Variants in TMCO2 observed in about 807,000 individuals in gnomAD.
TMCO2 encodes transmembrane and coiled-coil domains 2, also known as transmembrane and coiled-coil domain-containing protein 2.
A neutral mutation model predicts 18.0 loss-of-function variants in TMCO2; 15 were observed. That is an observed-to-expected ratio of 0.84 (90% CI 0.56 to 1.29). The LOEUF (loss-of-function observed/expected upper bound fraction) is 1.29, where lower values mean the gene tolerates loss of function less well. Ranked by LOEUF, TMCO2 falls within the 50% of genes most tolerant of loss-of-function variation. The pLI is 0.00. For missense variants in TMCO2, 182 were observed against 200.9 expected (o/e 0.91, Z 0.57); for synonymous variants, 79 against 75.9 (o/e 1.04, Z -0.21).
In TMCO2 at chr1:40,251,676, C is replaced by G; in HGVS notation, c.*82C>G. Reference sequence around the variant, plus strand: ...GGTGTATCAATAAAGATAGAGAACGCTATTGAAATTACCGTGCAAAGACTA... The same window carrying G: ...GGTGTATCAATAAAGATAGAGAACGGTATTGAAATTACCGTGCAAAGACTA... On this transcript the variant is annotated 3_prime_UTR_variant, in exon 2 of 2. Coordinates refer to ENST00000372766, the MANE Select transcript of TMCO2 (RefSeq NM_001008740.4). 1.4e-6 allele frequency: 2 copies of G among 1,443,034 alleles called. No individual in the cohort carries two copies. Among genetic ancestry groups the G allele is most frequent in the Non-Finnish European group, 1.9e-6 (2 of 1,054,952 alleles). The allele number at this position is 1,443,034 out of a possible 1,614,324, so 89.4% of individuals were successfully genotyped here.
rs1643380509 is a variant in TMCO2, at chr1:40,251,147, A to G, written c.238-136A>G. ...GTGAAACTCCATCTCAAAAAAAAAA[A>G]AAAAAAAAATTTGCTAAATGGGAGA... On this transcript the variant is annotated intron_variant, in intron 1 of 1. Transcript: ENST00000372766. 4 of 800,136 alleles carry G rather than the reference A, an allele frequency of 5.0e-6. No individual in the cohort carries two copies. In the South Asian group the frequency reaches 7.1e-5, roughly 14 times the overall value. The allele number at this position is 800,136 out of a possible 1,614,324, so 49.6% of individuals were successfully genotyped here. A position where few individuals can be genotyped will look rare whatever the true frequency, so the allele number is the denominator to read the frequency against.
Position 40,251,392 on chromosome 1 carries a change from A to G in TMCO2, c.347A>G (p.Asn116Ser), listed in dbSNP as rs1387966859. ...PEGSGLRIQD[N>S]NNLFLSLGLQ... ...GGAAGTGGTCTCCGAATTCAAGACA[A>G]TAATAATCTTTTCCTGTCCTTGGGT... The change falls in exon 2 of 2, where the codon AAT (asparagine) becomes AGT (serine). Residue 116 changes from asparagine (N) to serine (S), a missense_variant. Coordinates refer to ENST00000372766, the MANE Select transcript of TMCO2 (RefSeq NM_001008740.4). 6.2e-7 allele frequency: 1 copy of G among 1,614,138 alleles called. No individual in the cohort carries two copies. Among genetic ancestry groups the G allele is most frequent in the Non-Finnish European group, 8.5e-7 (1 of 1,180,018 alleles).
In TMCO2 at chr1:40,250,861, G is replaced by T. The variant is rs187216528; in HGVS notation, c.238-422G>T. Among the ~76,000 whole-genome samples the T allele has an allele frequency of 1.3e-4, 20 of 152,306 alleles. No individual in the cohort carries two copies. In the East Asian group the frequency reaches 2.9e-3, roughly 22 times the overall value. ...GTGTGAAAATATTTTGCTAAGGCCGGGCATGGTGGCTTACGCCTGTAATCC... is the reference window on the plus strand; with the variant it reads ...GTGTGAAAATATTTTGCTAAGGCCGTGCATGGTGGCTTACGCCTGTAATCC... On this transcript the variant is annotated intron_variant, in intron 1 of 1. Coordinates refer to ENST00000372766, the MANE Select transcript of TMCO2 (RefSeq NM_001008740.4).
intron 1 of TMCO2, among the ~76,000 whole-genome samples, chr1:40,250,641 A>G (rs1643374277): frequency 6.6e-6 from 1 of 152,210 alleles, no homozygotes; most frequent in Non-Finnish European, 1.5e-5. Flanking sequence ...TTGGACAATG[A>G]CAGAGTTCAA....
rs764803423 is a variant in TMCO2, at chr1:40,248,093, A to AGT, written c.102_103dup (p.Ala35ValfsTer11). ...ACAAGCAAGTTTTTTGGGAGAGACTAGTGCACCTCAGCAAACAAGTTTGGG... is the reference window on the plus strand; with the variant it reads ...ACAAGCAAGTTTTTTGGGAGAGACTAGTGTGCACCTCAGCAAACAAGTTTGGG... On this transcript the variant is annotated frameshift_variant, in exon 1 of 2. Transcript: ENST00000372766. LOFTEE classifies it high-confidence loss of function. The AGT allele has an allele frequency of 1.9e-6, 3 of 1,614,128 alleles. No individual in the cohort carries two copies. In the South Asian group the frequency reaches 3.3e-5, roughly 18 times the overall value.
intron 1 of TMCO2, among the ~76,000 whole-genome samples, chr1:40,250,318 A>AAT (rs144052392): frequency 0.073 from 10,594 of 145,746 alleles, 441 homozygotes; most frequent in East Asian, 0.16. Flanking sequence ...ATATAAATAA[A>AAT]ATATATATAT....
intron 1 of TMCO2, among the ~76,000 whole-genome samples, chr1:40,248,673 A>G (rs763408397): frequency 3.3e-5 from 5 of 152,234 alleles, no homozygotes; most frequent in Non-Finnish European, 7.3e-5. Context: ...TTGACAAGAT[A>G]AGGCTCCATA....
chr1:40,247,948 C>A lies in TMCO2; in HGVS notation c.-46C>A. 1 of 1,475,744 alleles carries A rather than the reference C, an allele frequency of 6.8e-7. No homozygotes were observed. The highest frequency in any genetic ancestry group is 1.1e-5 in the South Asian group (1 of 87,296). 91.4% of individuals were successfully genotyped at this position (1,475,744 alleles called of 1,614,324 possible). On this transcript the variant is annotated 5_prime_UTR_variant, in exon 1 of 2. Transcript: ENST00000372766. ...ACTCCCCCTAACTCATATTTAGATTCCTGAAGCTTCTGCACATGTAGTTCC... is the reference window on the plus strand; with the variant it reads ...ACTCCCCCTAACTCATATTTAGATTACTGAAGCTTCTGCACATGTAGTTCC...
intron 1 of TMCO2, among the ~76,000 whole-genome samples, chr1:40,249,338 T>C (rs1176703438): frequency 6.6e-6 from 1 of 150,922 alleles, no homozygotes; most frequent in Non-Finnish European, 1.5e-5. Context: ...TTGTGAGGAT[T>C]AAAGAAGATA....
At position 40,251,555 on chromosome 1, in the gene TMCO2, G is replaced by C. The variant is rs1643385044; in HGVS notation, c.510G>C (p.Gln170His). Residue 170 changes from glutamine (Q) to histidine (H), a missense_variant, in exon 2 of 2, where the codon CAG becomes CAC. Gln to His is a conservative substitution (Grantham distance 24). Coordinates refer to ENST00000372766, the MANE Select transcript of TMCO2 (RefSeq NM_001008740.4). ...CCTACTGCAGCTGCTCTGACTGCCA[G>C]AGTCCCTTGTCCACATCAGGGTTTA... is the stretch of plus-strand genomic sequence containing the variant. ...SEPYCSCSDCQSPLSTSGFTS... is the reference protein window; with the variant it reads ...SEPYCSCSDCHSPLSTSGFTS... The C allele has an allele frequency of 6.2e-7, 1 of 1,612,116 alleles. No individual in the cohort carries two copies.
At chr1:40,250,760 T>A (rs1320299658) in intron 1 of TMCO2, among the ~76,000 whole-genome samples, 1 of 152,220 alleles carries the variant, frequency 6.6e-6, no homozygotes, top group Non-Finnish European at 1.5e-5. Flanking sequence ...ATTACAATCT[T>A]GATTAAATGC....
Position 40,251,479 on chromosome 1 carries a change from G to A in TMCO2, c.434G>A (p.Gly145Glu), listed in dbSNP as rs767668520. ...TVENKMKNLE[G>E]IIVAQKPATK... is the part of the protein sequence containing the mutation. Reference sequence around the variant, plus strand: ...GAAAACAAAATGAAGAACCTAGAAGGGATAATCGTTGCTCAAAAACCTGCC... The same window carrying A: ...GAAAACAAAATGAAGAACCTAGAAGAGATAATCGTTGCTCAAAAACCTGCC... Residue 145 changes from glycine to glutamate, a missense_variant, in exon 2 of 2, where the codon GGG becomes GAG. Gly to Glu is a moderately conservative substitution (Grantham distance 98, BLOSUM62 -2). Transcript: ENST00000372766. 1 of 1,613,766 alleles carries A rather than the reference G, an allele frequency of 6.2e-7. No individual in the cohort carries two copies. The highest frequency in any genetic ancestry group is 1.1e-5 in the South Asian group (1 of 90,984).
intron 1 of TMCO2, among the ~76,000 whole-genome samples, chr1:40,250,546 T>C (rs1414977418): frequency 6.6e-6 from 1 of 152,126 alleles, no homozygotes; most frequent in Non-Finnish European, 1.5e-5. Context: ...AAATCCAGTT[T>C]TTCAGACTAC....
rs777579589 is a variant in TMCO2, at chr1:40,251,375, T to C, written c.330T>C (p.Gly110=). Residue 110 remains glycine (G), a synonymous_variant, in exon 2 of 2, where the codon GGT becomes GGC. Coordinates refer to ENST00000372766, the MANE Select transcript of TMCO2 (RefSeq NM_001008740.4). ...TGCTAGCCAACCCAGAAGGAAGTGG[T>C]CTCCGAATTCAAGACAATAATAATC... ...EALLANPEGS[G]LRIQDNNNLF... is the part of the protein sequence containing the mutation. 6.2e-7 allele frequency: 1 copy of C among 1,614,052 alleles called. No homozygotes were observed. Among genetic ancestry groups the C allele is most frequent in the South Asian group, 1.1e-5 (1 of 91,050 alleles).
At chr1:40,250,584 G>C (rs1273458254) in intron 1 of TMCO2, among the ~76,000 whole-genome samples, 1 of 152,168 alleles carries the variant, frequency 6.6e-6, no homozygotes, top group Non-Finnish European at 1.5e-5. Context: ...TTGGAAGTGT[G>C]AATTTCTGGA....
At chr1:40,249,657 A>G (rs1227354887) in intron 1 of TMCO2, among the ~76,000 whole-genome samples, 2 of 151,406 alleles carry the variant, frequency 1.3e-5, no homozygotes, top group Non-Finnish European at 2.9e-5. Flanking sequence ...CTGTCCTACT[A>G]TACATATTCT....
In TMCO2 at chr1:40,251,414, G is replaced by A; in HGVS notation, c.369G>A (p.Leu123=). The change falls in exon 2 of 2, where the codon TTG becomes TTA. Residue 123 remains leucine, a synonymous_variant. Coordinates refer to ENST00000372766, the MANE Select transcript of TMCO2 (RefSeq NM_001008740.4). Reference sequence around the variant, plus strand: ...ACAATAATAATCTTTTCCTGTCCTTGGGTCTGCAAGAGAAAATTTTGAAAA... The same window carrying A: ...ACAATAATAATCTTTTCCTGTCCTTAGGTCTGCAAGAGAAAATTTTGAAAA... ...IQDNNNLFLS[L]GLQEKILKKL... 6.2e-7 allele frequency: 1 copy of A among 1,614,010 alleles called. No homozygotes were observed. The highest frequency in any genetic ancestry group is 8.5e-7 in the Non-Finnish European group (1 of 1,180,010).
intron 1 of TMCO2, among the ~76,000 whole-genome samples, chr1:40,250,724 A>G (rs1205209758): frequency 6.6e-6 from 1 of 152,234 alleles, no homozygotes; most frequent in Non-Finnish European, 1.5e-5. Context: ...AGTTACTTCC[A>G]GACATTCAGA....
chr1:40,249,255 A>ATGTGTGTGTGTG (rs3075101), intron 1 of TMCO2, among the ~76,000 whole-genome samples: 2,278 of 139,888 alleles, frequency 0.016, 34 homozygotes, highest in African/African-American at 0.023. Context: ...TTGAACAGGA[A>ATGTGTGTGTGTG]TGTGTGTGTG....
Sources: gnomAD v4.1 joint callset for allele counts (sites outside exome capture counted in the v4.1 genomes callset) on GRCh38, gnomAD v4.1.1 for gene constraint, MANE v1.5 for transcripts, NCBI Gene and HGNC (gene_info 2026-07-23, HGNC 2026-07-21) for gene names.